Variants in SERTAD4 observed in about 807,000 individuals in gnomAD.
The protein encoded by SERTAD4 is SERTA domain containing 4.
SERTAD4 carries 18 observed loss-of-function variants against 32.9 expected under a neutral mutation model. The observed-to-expected ratio is 0.55, with a 90% CI of 0.38 to 0.81. SERTAD4 has a LOEUF of 0.81. Ranked by LOEUF, SERTAD4 falls within the 30% of genes least tolerant of loss-of-function variation. SERTAD4 has a pLI of 0.00. For synonymous variants in SERTAD4, 150 were observed against 156.4 expected (o/e 0.96, Z 0.30); for missense variants, 383 against 426.0 (o/e 0.90, Z 0.89).
chr1:210,245,719 C>G lies in SERTAD4; in HGVS notation c.*3382C>G. 1.4e-6 allele frequency: 1 copy of G among 710,646 alleles called. No homozygotes were observed. Among genetic ancestry groups the G allele is most frequent in the South Asian group, 6.3e-5 (1 of 15,788 alleles). 44.0% of individuals were successfully genotyped at this position (710,646 alleles called of 1,614,324 possible). On this transcript the variant is annotated 3_prime_UTR_variant, in exon 4 of 4. Coordinates refer to ENST00000367012, the MANE Select transcript of SERTAD4 (RefSeq NM_019605.5). ...TTATTTTTAGAGCTCATAGTTAACT[C>G]CATCAAGACATGGCTACCCACCCCT...
At position 210,242,365 on chromosome 1, in the gene SERTAD4, T is replaced by G; in HGVS notation, c.*28T>G. 6.5e-7 allele frequency: 1 copy of G among 1,532,856 alleles called. No individual in the cohort carries two copies. The highest frequency in any genetic ancestry group is 8.7e-7 in the Non-Finnish European group (1 of 1,145,572). The allele number at this position is 1,532,856 out of a possible 1,614,324, so 95.0% of individuals were successfully genotyped here. On this transcript the variant is annotated 3_prime_UTR_variant, in exon 4 of 4. Transcript: ENST00000367012. This position sits in a 1 kb window ranked among gnomAD's most constrained non-coding sequence, Gnocchi z 4.0. The stretch of plus-strand genomic sequence containing the variant: ...CATCTTCTCACCGAACTTTGAAGCA[T>G]GCACAGCATGATCAGTTAGCTCTCG...
intron 3 of SERTAD4, among the ~76,000 whole-genome samples, chr1:210,240,696 C>T (rs974130401): frequency 8.5e-5 from 13 of 152,220 alleles, no homozygotes; most frequent in Admixed American, 8.5e-4. Context: ...TCACACAGCT[C>T]AGGAGTGAGC....
chr1:210,246,571 G>A (rs1179902579), downstream of SERTAD4: 2 of 985,350 alleles, frequency 2.0e-6, no homozygotes, highest in Non-Finnish European at 2.4e-6. Context: ...TTTCCCTTCA[G>A]TATCTGTGAC....
In SERTAD4 at chr1:210,242,487, G is replaced by A. The variant is rs116384662; in HGVS notation, c.*150G>A. 8.2e-3 allele frequency: 11,684 copies of A among 1,422,842 alleles called. 51 individuals carry two copies. The highest frequency in any genetic ancestry group is 0.01 in the Admixed American group (327 of 31,564). 88.1% of individuals were successfully genotyped at this position (1,422,842 alleles called of 1,614,324 possible). A position where few individuals can be genotyped will look rare whatever the true frequency, so the allele number is the denominator to read the frequency against. ...TTTTAATGCCTGGAGAGCAGATTGC[G>A]TAAAACATCTGTATAGCAGGCATCA... On this transcript the variant is annotated 3_prime_UTR_variant, in exon 4 of 4. Coordinates refer to ENST00000367012, the MANE Select transcript of SERTAD4 (RefSeq NM_019605.5). This position sits in a 1 kb window ranked among gnomAD's most constrained non-coding sequence, Gnocchi z 4.0.
intron 3 of SERTAD4, 70 bp downstream of exon 3, chr1:210,239,678 T>C: frequency 1.2e-6 from 1 of 843,434 alleles, no homozygotes; most frequent in African/African-American, 1.8e-5. Flanking sequence ...CTTGATCCAC[T>C]TCCAGGAATT....
intron 1 of SERTAD4, among the ~76,000 whole-genome samples, chr1:210,237,658 A>G (rs1294216669): frequency 2.0e-5 from 3 of 152,220 alleles, no homozygotes; most frequent in Admixed American, 6.5e-5. Flanking sequence ...GAGGCAAAGC[A>G]GCTGTCTAGA....
chr1:210,241,241 T>C (rs2083991171), intron 3 of SERTAD4, among the ~76,000 whole-genome samples: 1 of 152,098 alleles, frequency 6.6e-6, no homozygotes, highest in African/African-American at 2.4e-5. Context: ...GCATCTTCCT[T>C]ATTGGGCCAT....
At position 210,246,043 on chromosome 1, in the gene SERTAD4, A is replaced by G. The variant is rs940177316; in HGVS notation, c.*3706A>G. On this transcript the variant is annotated 3_prime_UTR_variant, in exon 4 of 4. Coordinates refer to ENST00000367012, the MANE Select transcript of SERTAD4 (RefSeq NM_019605.5). ...AGGTTATCACATCCCTGCCAATTTTACTAGATTTTTTCAGAGACAAGCATT... is the reference window on the plus strand; with the variant it reads ...AGGTTATCACATCCCTGCCAATTTTGCTAGATTTTTTCAGAGACAAGCATT... The G allele has an allele frequency of 1.5e-5, 8 of 548,914 alleles. No homozygotes were observed. The highest frequency in any genetic ancestry group is 6.2e-5 in the African/African-American group (3 of 48,670). The allele number at this position is 548,914 out of a possible 1,614,324, so 34.0% of individuals were successfully genotyped here.
At position 210,244,667 on chromosome 1, in the gene SERTAD4, C is replaced by T. The variant is rs1377029381; in HGVS notation, c.*2330C>T. 6.6e-6 allele frequency: 1 copy of T among 152,000 alleles called. No individual in the cohort carries two copies. Among genetic ancestry groups the T allele is most frequent in the Non-Finnish European group, 1.5e-5 (1 of 68,012 alleles). The allele number at this position is 152,000 out of a possible 1,614,324, so 9.4% of individuals were successfully genotyped here. A position where few individuals can be genotyped will look rare whatever the true frequency, so the allele number is the denominator to read the frequency against. On this transcript the variant is annotated 3_prime_UTR_variant, in exon 4 of 4. Coordinates refer to ENST00000367012, the MANE Select transcript of SERTAD4 (RefSeq NM_019605.5). Reference sequence around the variant, plus strand: ...ATGAACGAAAGGACTTATCCTTCTGCTTTTTAAAAGCCCCAGCATTACTAG... The same window carrying T: ...ATGAACGAAAGGACTTATCCTTCTGTTTTTTAAAAGCCCCAGCATTACTAG...
At chr1:210,233,685 C>A (rs996205740) in intron 1 of SERTAD4, 1 of 470,646 alleles carries the variant, frequency 2.1e-6, no homozygotes, top group Non-Finnish European at 4.4e-6. Flanking sequence ...CTCCGCCTCT[C>A]GCTTCCCTTC....
At chr1:210,239,469 G>T (rs1308220425) in intron 2 of SERTAD4, 24 bp from the exon 3 acceptor site, 2 of 1,389,532 alleles carry the variant, frequency 1.4e-6, no homozygotes, top group Non-Finnish European at 2.0e-6. Flanking sequence ...CATGTCATTT[G>T]TCATATCTGA....
At chr1:210,233,414 G>A (rs2083905438) in intron 1 of SERTAD4, among the ~76,000 whole-genome samples, 1 of 152,222 alleles carries the variant, frequency 6.6e-6, no homozygotes, top group Admixed American at 6.5e-5. Flanking sequence ...TCATCGTAGG[G>A]GAAGGGGTTA....
At chr1:210,238,429 G>A (rs1322086271) in intron 2 of SERTAD4, among the ~76,000 whole-genome samples, 1 of 152,174 alleles carries the variant, frequency 6.6e-6, no homozygotes, top group Non-Finnish European at 1.5e-5. Context: ...TCTGAGTTTG[G>A]GTTTTGGTTT....
Position 210,243,255 on chromosome 1 carries a change from TGAGA to T in SERTAD4, c.*926_*929del, listed in dbSNP as rs915483127. On this transcript the variant is annotated 3_prime_UTR_variant, in exon 4 of 4. Transcript: ENST00000367012. ...GTTTTTTCAATAGGGATGGAGGAAA[TGAGA>T]GAGAGAGCTGTTAGAAAGCAGCACG... 1.4e-5 allele frequency: 7 copies of T among 496,370 alleles called. No individual in the cohort carries two copies. Among genetic ancestry groups the T allele is most frequent in the Admixed American group, 6.4e-5 (1 of 15,650 alleles). The allele number at this position is 496,370 out of a possible 1,614,324, so 30.7% of individuals were successfully genotyped here.
chr1:210,241,829 C>A lies in SERTAD4; in HGVS notation c.563C>A (p.Ala188Asp). The change falls in exon 4 of 4, where the codon GCC becomes GAC. Residue 188 changes from alanine to aspartate, a missense_variant. This residue lies in a region of SERTAD4 where 107 missense variants were observed against 158.8 expected (regional missense o/e 0.67). Coordinates refer to ENST00000367012, the MANE Select transcript of SERTAD4 (RefSeq NM_019605.5). ...AAAGAGGAATGTGAAAAGTTTCATGCCTGCTGCTTTTACCAAGAATGTGGT... is the reference window on the plus strand; with the variant it reads ...AAAGAGGAATGTGAAAAGTTTCATGACTGCTGCTTTTACCAAGAATGTGGT... ...MAKEECEKFH[A>D]CCFYQECGGH... 6.2e-7 allele frequency: 1 copy of A among 1,614,108 alleles called. No homozygotes were observed. The highest frequency in any genetic ancestry group is 8.5e-7 in the Non-Finnish European group (1 of 1,180,018).
rs1418799626 is a variant in SERTAD4 at position 210,243,230 on chromosome 1, G to A, written c.*893G>A. 14 of 739,644 alleles carry A rather than the reference G, an allele frequency of 1.9e-5. No homozygotes were observed. Among genetic ancestry groups the A allele is most frequent in the Admixed American group, 6.3e-5 (1 of 15,920 alleles). The allele number at this position is 739,644 out of a possible 1,614,324, so 45.8% of individuals were successfully genotyped here. On this transcript the variant is annotated 3_prime_UTR_variant, in exon 4 of 4. Transcript: ENST00000367012. ...ATGCCCAATTGCTTTTGGATTCGCC[G>A]TTTTTTCAATAGGGATGGAGGAAAT... is the stretch of plus-strand genomic sequence containing the variant.
In SERTAD4 at chr1:210,242,978, G is replaced by T. The variant is rs2084013724; in HGVS notation, c.*641G>T. Reference sequence around the variant, plus strand: ...TGGCTTGCCTGTGATGGGTGATGAGGCTTTTAGAGAGGTGTTATACAGGGC... The same window carrying T: ...TGGCTTGCCTGTGATGGGTGATGAGTCTTTTAGAGAGGTGTTATACAGGGC... On this transcript the variant is annotated 3_prime_UTR_variant, in exon 4 of 4. Coordinates refer to ENST00000367012, the MANE Select transcript of SERTAD4 (RefSeq NM_019605.5). This position sits in a 1 kb window ranked among gnomAD's most constrained non-coding sequence, Gnocchi z 4.0. The T allele has an allele frequency of 3.3e-5, 32 of 983,930 alleles. No homozygotes were observed. In the South Asian group the frequency reaches 1.2e-3, roughly 38 times the overall value. 60.9% of individuals were successfully genotyped at this position (983,930 alleles called of 1,614,324 possible).
intron 3 of SERTAD4, among the ~76,000 whole-genome samples, chr1:210,241,225 G>A (rs1447680304): frequency 6.6e-6 from 1 of 152,098 alleles, no homozygotes; most frequent in Non-Finnish European, 1.5e-5. Context: ...TTAGTTTTGT[G>A]TTTCAGCATC....
intron 1 of SERTAD4, chr1:210,233,923 G>T (rs1340334949): frequency 9.3e-6 from 4 of 430,374 alleles, no homozygotes; most frequent in South Asian, 1.7e-5. Context: ...CCTGCCAGCC[G>T]CTGTGAGTCA....
Sources: gnomAD v4.1 joint callset for allele counts (sites outside exome capture counted in the v4.1 genomes callset) on GRCh38, gnomAD v4.1.1 for gene constraint, gnomAD v4.1.1 regional missense constraint, Gnocchi (gnomAD v3.1) non-coding constraint, MANE v1.5 for transcripts, NCBI Gene and HGNC (gene_info 2026-07-23, HGNC 2026-07-21) for gene names.